The following DPH6 variants were observed in gnomAD, a reference collection of about 807,000 sequenced individuals.
DPH6 encodes the protein diphthine--ammonia ligase.
In DPH6, 33 loss-of-function variants were observed where a neutral mutation model predicts 38.2. That is an observed-to-expected ratio of 0.86 (90% CI 0.65 to 1.15). DPH6 has a LOEUF of 1.15. Among genes scored for constraint, DPH6 ranks in the 50% most tolerant of loss-of-function variants. DPH6 has a pLI of 0.00. For synonymous variants in DPH6, 108 were observed against 103.0 expected, an observed-to-expected ratio of 1.05 and a Z score of -0.30; for missense variants, 325 against 320.0, an observed-to-expected ratio of 1.02 and a Z score of -0.12.
At chr15:35,419,295 G>A (rs2053475419) in intron 5 of DPH6, among the ~76,000 whole-genome samples, 1 of 151,950 alleles carries the variant, frequency 6.6e-6, no homozygotes, top group Non-Finnish European at 1.5e-5. Context: ...TAAGAAGACT[G>A]GTCATATAAT....
the DPH6 span, among the ~76,000 whole-genome samples, chr15:35,152,766 C>T: frequency 0.019 from 2,907 of 152,156 alleles, 87 homozygotes; most frequent in African/African-American, 0.066. Context: ...CCCAAAGTGC[C>T]GGGATTACAG....
At chr15:35,493,824 A>G (rs1363927343) in intron 3 of DPH6, among the ~76,000 whole-genome samples, 1 of 152,136 alleles carries the variant, frequency 6.6e-6, no homozygotes, top group Non-Finnish European at 1.5e-5. Flanking sequence ...ATAAACGGGC[A>G]AATAACAAAG....
At chr15:35,291,907 T>A (rs1407807300) in intron 3 of DPH6, among the ~76,000 whole-genome samples, 1 of 152,094 alleles carries the variant, frequency 6.6e-6, no homozygotes, top group African/African-American at 2.4e-5. Flanking sequence ...TACACCACTG[T>A]TCTCTTCTTT....
At chr15:35,158,503 G>A in the DPH6 span, among the ~76,000 whole-genome samples, 1 of 151,966 alleles carries the variant, frequency 6.6e-6, no homozygotes, top group Non-Finnish European at 1.5e-5. Flanking sequence ...AAGTGCCAAT[G>A]TTAATAACAT....
At chr15:35,533,967 T>A (rs969393573) in intron 3 of DPH6, among the ~76,000 whole-genome samples, 1 of 152,014 alleles carries the variant, frequency 6.6e-6, no homozygotes, top group Non-Finnish European at 1.5e-5. Flanking sequence ...GTCAAAAGCA[T>A]TCACAGTCAG....
chr15:35,423,780 C>T (rs1460829000), intron 5 of DPH6, among the ~76,000 whole-genome samples: 2 of 151,620 alleles, frequency 1.3e-5, no homozygotes, highest in African/African-American at 4.8e-5. Flanking sequence ...CCACTTCTTC[C>T]ACATGTAGAT....
At chr15:35,352,717 T>C (rs1167150406) in intron 3 of DPH6, among the ~76,000 whole-genome samples, 3 of 152,218 alleles carry the variant, frequency 2.0e-5, no homozygotes, top group Non-Finnish European at 4.4e-5. Context: ...TCTTTGCTAT[T>C]GTGAATAGTG....
chr15:35,413,457 C>T (rs1279723642), intron 5 of DPH6, among the ~76,000 whole-genome samples: 1 of 151,404 alleles, frequency 6.6e-6, no homozygotes, highest in Admixed American at 6.6e-5. Flanking sequence ...TATTTGAAAG[C>T]TATGTTGTTA....
At chr15:35,492,635 A>G (rs1365930273) in intron 3 of DPH6, among the ~76,000 whole-genome samples, 1 of 152,162 alleles carries the variant, frequency 6.6e-6, no homozygotes, top group Non-Finnish European at 1.5e-5. Flanking sequence ...CTGTTAAATA[A>G]ATGCATGCTC....
chr15:35,454,640 G>C (rs182901841), intron 4 of DPH6, 107 bp downstream of exon 4: 1 of 917,438 alleles, frequency 1.1e-6, no homozygotes, highest in Non-Finnish European at 1.7e-6. Context: ...CATGGAGCAC[G>C]TAGACTACCA....
At chr15:35,332,833 T>C (rs972631591) in intron 3 of DPH6, among the ~76,000 whole-genome samples, 6 of 151,994 alleles carry the variant, frequency 3.9e-5, no homozygotes, top group African/African-American at 1.4e-4. Flanking sequence ...TGCATGCACA[T>C]ACAATTACAC....
chr15:35,318,586 A>C (rs1338808493), intron 3 of DPH6, among the ~76,000 whole-genome samples: 1 of 152,184 alleles, frequency 6.6e-6, no homozygotes, highest in African/African-American at 2.4e-5. Context: ...AATGAATTTA[A>C]AGAAACTAAA....
At chr15:35,157,303 A>C in the DPH6 span, among the ~76,000 whole-genome samples, 1 of 152,174 alleles carries the variant, frequency 6.6e-6, no homozygotes, top group Non-Finnish European at 1.5e-5. Flanking sequence ...CAAATTCAGA[A>C]CTTCATAAAT....
chr15:35,366,115 C>T (rs1323346561), downstream of DPH6: 2 of 736,244 alleles, frequency 2.7e-6, no homozygotes, highest in African/African-American at 1.9e-5. Context: ...GCAGTGGCAG[C>T]ATACCTCCAT....
At chr15:35,324,313 A>G (rs541138721) in intron 3 of DPH6, among the ~76,000 whole-genome samples, 1 of 152,210 alleles carries the variant, frequency 6.6e-6, no homozygotes, top group Admixed American at 6.5e-5. Flanking sequence ...GGCATCTTTC[A>G]AAAGAATTAC....
At chr15:35,379,703 G>A (rs1032744845) in intron 7 of DPH6, among the ~76,000 whole-genome samples, 1 of 152,140 alleles carries the variant, frequency 6.6e-6, no homozygotes, top group African/African-American at 2.4e-5. Flanking sequence ...TCTGCCAAAT[G>A]AGGATATTTC....
At position 35,446,470 on chromosome 15, in the gene DPH6, T is replaced by C. The variant is rs537291252; in HGVS notation, c.505+4215A>G. ...GTCTCACTCCTGATTCAAGCGATCT[T>C]GGGCTCCTAAAGTCCTGGGAATACA... On this transcript the variant is annotated intron_variant, in intron 5 of 8. Coordinates refer to ENST00000256538, the MANE Select transcript of DPH6 (RefSeq NM_080650.4). Among the ~76,000 whole-genome samples the C allele has an allele frequency of 5.3e-5, 8 of 152,206 alleles. No homozygotes were observed. In the East Asian group the frequency reaches 1.4e-3, roughly 26 times the overall value.
chr15:35,423,381 A>T (rs11637062), intron 5 of DPH6, among the ~76,000 whole-genome samples: 50,920 of 151,548 alleles, frequency 0.34, 10,069 homozygotes, highest in African/African-American at 0.56. Flanking sequence ...TGCCCTTTTT[A>T]AAACAAAGTT....
intron 3 of DPH6, chr15:35,489,272 C>G (rs2054444962): frequency 1.1e-6 from 1 of 937,096 alleles, no homozygotes; most frequent in Non-Finnish European, 1.3e-6. Flanking sequence ...CTGGGAAAAC[C>G]TGTCTATTCA....
Sources: gnomAD v4.1 joint callset for allele counts (sites outside exome capture counted in the v4.1 genomes callset) on GRCh38, gnomAD v4.1.1 for gene constraint, MANE v1.5 for transcripts, NCBI Gene and HGNC (gene_info 2026-07-23, HGNC 2026-07-21) for gene names.